Variants in NKAIN2 observed in about 807,000 individuals in gnomAD.
The protein encoded by NKAIN2 is sodium/potassium transporting ATPase interacting 2.
A neutral mutation model predicts 32.6 loss-of-function variants in NKAIN2; 14 were observed. That is an observed-to-expected ratio of 0.43 (90% CI 0.28 to 0.67). The LOEUF (loss-of-function observed/expected upper bound fraction) is 0.67. NKAIN2 is among the 30% of genes least tolerant of loss of function. The probability of loss-of-function intolerance (pLI) is 0.17; values close to 1 mark genes in which losing one functional copy is unlikely to be tolerated. For missense variants in NKAIN2, 198 were observed against 258.3 expected, an observed-to-expected ratio of 0.77 and a Z score of 1.60; for synonymous variants, 80 against 87.2, an observed-to-expected ratio of 0.92 and a Z score of 0.46.
intron 1 of NKAIN2, among the ~76,000 whole-genome samples, chr6:124,197,853 T>C (rs1162525784): frequency 6.6e-6 from 1 of 150,966 alleles, no homozygotes; most frequent in African/African-American, 2.4e-5. Flanking sequence ...TTTTTTTTTT[T>C]TTTTCATGAT....
chr6:124,364,237 CAAA>C (rs1554288849), intron 3 of NKAIN2, among the ~76,000 whole-genome samples: 1 of 45,080 alleles, frequency 2.2e-5, no homozygotes, highest in Non-Finnish European at 5.0e-5. Flanking sequence ...TTAAAAATAC[CAAA>C]AAAAAAAAAA....
At chr6:124,260,793 A>G (rs1432384033) in intron 1 of NKAIN2, among the ~76,000 whole-genome samples, 1 of 152,146 alleles carries the variant, frequency 6.6e-6, no homozygotes, top group Non-Finnish European at 1.5e-5. Context: ...TATATGAGCT[A>G]TTGTAGAGAA....
intron 3 of NKAIN2, among the ~76,000 whole-genome samples, chr6:124,438,591 G>T (rs1775559942): frequency 6.6e-6 from 1 of 152,110 alleles, no homozygotes; most frequent in Non-Finnish European, 1.5e-5. Context: ...CATCCTCTCT[G>T]TTCCACTTTT....
rs527637359 is a variant in NKAIN2 at position 124,024,689 on chromosome 6, T to C, written c.54+220435T>C. Among the ~76,000 whole-genome samples, 349 of 152,148 alleles carry C rather than the reference T, an allele frequency of 2.3e-3. 2 individuals carry two copies. Among genetic ancestry groups the C allele is most frequent in the African/African-American group, 8.0e-3 (331 of 41,532 alleles). On this transcript the variant is annotated intron_variant, in intron 1 of 6. Transcript: ENST00000368417. ...AATGAGAAATTTACAACTCAGCCAC[T>C]TCAAGAGTGCTTTTCCTGGCCAGGC...
chr6:124,543,449 T>A (rs1779980364), intron 3 of NKAIN2, among the ~76,000 whole-genome samples: 1 of 152,182 alleles, frequency 6.6e-6, no homozygotes, highest in Non-Finnish European at 1.5e-5. Flanking sequence ...TAGATATAAC[T>A]TCTAAACAAA....
intron 3 of NKAIN2, among the ~76,000 whole-genome samples, chr6:124,401,911 A>C (rs369412160): frequency 2.6e-5 from 4 of 152,166 alleles, no homozygotes; most frequent in African/African-American, 4.8e-5. Context: ...TTTTTGATGT[A>C]GTCAAATTTA....
chr6:124,486,255 G>A (rs1777645345), intron 3 of NKAIN2, among the ~76,000 whole-genome samples: 1 of 152,130 alleles, frequency 6.6e-6, no homozygotes, highest in Admixed American at 6.6e-5. Context: ...TGTTACAACA[G>A]CAGGATTTCA....
intron 4 of NKAIN2, among the ~76,000 whole-genome samples, chr6:124,746,178 C>G (rs572470971): frequency 6.6e-6 from 1 of 151,938 alleles, no homozygotes; most frequent in South Asian, 2.1e-4. Flanking sequence ...TTACTTAACC[C>G]ATAATACAGT....
intron 4 of NKAIN2, among the ~76,000 whole-genome samples, chr6:124,689,428 A>T (rs888588696): frequency 2.0e-5 from 3 of 152,082 alleles, no homozygotes; most frequent in Admixed American, 2.0e-4. Flanking sequence ...TTCTCTTGAC[A>T]GTATTTTTCA....
chr6:124,763,534 G>GC (rs1217149353), intron 4 of NKAIN2, among the ~76,000 whole-genome samples: 1 of 152,120 alleles, frequency 6.6e-6, no homozygotes, highest in African/African-American at 2.4e-5. Context: ...GGGGCAATCT[G>GC]CCCCCATAAT....
intron 1 of NKAIN2, among the ~76,000 whole-genome samples, chr6:123,992,540 A>G (rs1401558374): frequency 6.6e-6 from 1 of 152,220 alleles, no homozygotes; most frequent in Non-Finnish European, 1.5e-5. Flanking sequence ...AACATAAAGG[A>G]ATATACTAAC....
intron 1 of NKAIN2, among the ~76,000 whole-genome samples, chr6:124,205,367 A>AT (rs71021482): frequency 1.1e-4 from 17 of 151,426 alleles, no homozygotes; most frequent in Non-Finnish European, 2.5e-4. Flanking sequence ...GGTGCTAAAA[A>AT]AAAATCTCTT....
At chr6:124,047,063 G>A (rs1271627311) in intron 1 of NKAIN2, among the ~76,000 whole-genome samples, 2 of 151,972 alleles carry the variant, frequency 1.3e-5, no homozygotes, top group East Asian at 1.9e-4. Context: ...TTAGGTTTGG[G>A]GCAAAAGGTC....
intron 3 of NKAIN2, among the ~76,000 whole-genome samples, chr6:124,472,385 G>A (rs1777009769): frequency 6.6e-6 from 1 of 152,116 alleles, no homozygotes; most frequent in Non-Finnish European, 1.5e-5. Flanking sequence ...GCAAATAACT[G>A]ATGCTTAAGA....
chr6:124,561,595 G>C (rs1001264831), intron 3 of NKAIN2, among the ~76,000 whole-genome samples: 1 of 152,102 alleles, frequency 6.6e-6, no homozygotes. Flanking sequence ...AAGATGTATT[G>C]TTTTCTTTCC....
In NKAIN2 at chr6:124,779,200, T is replaced by C. The variant is rs567656104; in HGVS notation, c.475-12139T>C. Among the ~76,000 whole-genome samples, 18 of 147,658 alleles carry C rather than the reference T, an allele frequency of 1.2e-4. No homozygotes were observed. In the East Asian group the frequency reaches 3.6e-3, roughly 30 times the overall value. ...TGGAGGTTGCGGTGAGCAGAGATCGTGCCACTGCATTCCAGCCTGGGCGAC... is the reference window on the plus strand; with the variant it reads ...TGGAGGTTGCGGTGAGCAGAGATCGCGCCACTGCATTCCAGCCTGGGCGAC... On this transcript the variant is annotated intron_variant, in intron 4 of 6. Coordinates refer to ENST00000368417, the MANE Select transcript of NKAIN2 (RefSeq NM_001040214.3).
intron 3 of NKAIN2, among the ~76,000 whole-genome samples, chr6:124,592,867 T>C (rs1250461221): frequency 6.6e-6 from 1 of 152,154 alleles, no homozygotes; most frequent in African/African-American, 2.4e-5. Context: ...GAATATGAAC[T>C]CAAAAATGCT....
At chr6:124,173,347 T>C (rs1562401236) in intron 1 of NKAIN2, among the ~76,000 whole-genome samples, 1 of 152,114 alleles carries the variant, frequency 6.6e-6, no homozygotes, top group Non-Finnish European at 1.5e-5. Flanking sequence ...GATTGGGAGT[T>C]TTACTGGAAA....
At chr6:124,020,063 T>A (rs974587724) in intron 1 of NKAIN2, among the ~76,000 whole-genome samples, 1 of 152,156 alleles carries the variant, frequency 6.6e-6, no homozygotes, top group African/African-American at 2.4e-5. Flanking sequence ...GGAAATATTA[T>A]CACTTTGAGG....
Sources: gnomAD v4.1 joint callset for allele counts (sites outside exome capture counted in the v4.1 genomes callset) on GRCh38, gnomAD v4.1.1 for gene constraint, MANE v1.5 for transcripts, NCBI Gene and HGNC (gene_info 2026-07-23, HGNC 2026-07-21) for gene names.